Variants in SLC35F1 observed in about 807,000 individuals in gnomAD.
SLC35F1 encodes chromosome 6 open reading frame 169.
In SLC35F1, 14 loss-of-function variants were observed where a neutral mutation model predicts 48.7. That is an observed-to-expected ratio of 0.29 (90% confidence interval 0.19 to 0.45). The LOEUF (loss-of-function observed/expected upper bound fraction) is 0.45. Among genes scored for constraint, SLC35F1 ranks in the 20% least tolerant of loss-of-function variants. The probability of loss-of-function intolerance (pLI) is 1.00; values close to 1 mark genes in which losing one functional copy is unlikely to be tolerated. For synonymous variants in SLC35F1, 190 were observed against 202.2 expected (o/e 0.94, Z 0.51); for missense variants, 404 against 500.0 (o/e 0.81, Z 1.83).
intron 1 of SLC35F1, among the ~76,000 whole-genome samples, chr6:118,088,812 C>G (rs959493422): frequency 6.6e-6 from 1 of 152,078 alleles, no homozygotes; most frequent in Non-Finnish European, 1.5e-5. Flanking sequence ...CCAGAGGAAG[C>G]GGAGAAAAGG....
chr6:118,305,048 ATGTGTGTGTGTGTGTGTGTGTGTG>A lies in SLC35F1; in HGVS notation c.1003-8958_1003-8935del, dbSNP rs758520455. 2.2e-4 allele frequency among the ~76,000 whole-genome samples: 18 copies of A among 80,230 alleles called. 1 individual carries two copies. Among genetic ancestry groups the A allele is most frequent in the African/African-American group, 9.9e-4 (18 of 18,112 alleles). The allele number at this position is 80,230 out of a possible 152,430, so 52.6% of individuals were successfully genotyped here. On this transcript the variant is annotated intron_variant, in intron 7 of 7. Coordinates refer to ENST00000360388, the MANE Select transcript of SLC35F1 (RefSeq NM_001029858.4). ...TAGCAGAGAAACAGAATCAACAGGA[ATGTGTGTGTGTGTGTGTGTGTGTG>A]TGTGTGTGTGTGTGTGTGTGTTCAG...
At chr6:118,300,701 C>G (rs1422793593) in intron 7 of SLC35F1, among the ~76,000 whole-genome samples, 1 of 152,112 alleles carries the variant, frequency 6.6e-6, no homozygotes. Flanking sequence ...TTCATTGTTT[C>G]TGTTTTGACT....
chr6:118,061,586 G>GTATATATATATATATATATATA (rs780630752), intron 1 of SLC35F1, among the ~76,000 whole-genome samples: 4 of 145,410 alleles, frequency 2.8e-5, no homozygotes, highest in African/African-American at 1.0e-4. Flanking sequence ...GTGTGTGTGT[G>GTATATATATATATATATATATA]TGTGTATATA....
At chr6:118,054,581 T>C (rs774729951) in intron 1 of SLC35F1, among the ~76,000 whole-genome samples, 46 of 152,198 alleles carry the variant, frequency 3.0e-4, no homozygotes, top group Non-Finnish European at 6.2e-4. Context: ...AAAAAGGTGA[T>C]GTGGGTTTGT....
chr6:117,993,637 CAT>C (rs1420724946), intron 1 of SLC35F1, among the ~76,000 whole-genome samples: 1 of 152,016 alleles, frequency 6.6e-6, no homozygotes, highest in Admixed American at 6.6e-5. Context: ...TTCACCTGTT[CAT>C]AGTTATAGCA....
At chr6:118,066,846 C>A (rs1772623181) in intron 1 of SLC35F1, among the ~76,000 whole-genome samples, 1 of 149,880 alleles carries the variant, frequency 6.7e-6, no homozygotes, top group African/African-American at 2.5e-5. Context: ...AATTTGGTAG[C>A]ATGAAACCCA....
chr6:118,208,622 T>C (rs1025704552), intron 2 of SLC35F1, among the ~76,000 whole-genome samples: 1 of 152,204 alleles, frequency 6.6e-6, no homozygotes, highest in Non-Finnish European at 1.5e-5. Context: ...AAGTAATTCA[T>C]GCTTATTAAA....
chr6:117,929,559 G>A (rs988325230), intron 1 of SLC35F1, among the ~76,000 whole-genome samples: 2 of 151,124 alleles, frequency 1.3e-5, no homozygotes, highest in Non-Finnish European at 3.0e-5. Flanking sequence ...GTAGGGGATG[G>A]CAAGTCTCAA....
chr6:118,238,644 G>GT (rs1195864315), intron 3 of SLC35F1, among the ~76,000 whole-genome samples: 1 of 152,012 alleles, frequency 6.6e-6, no homozygotes, highest in Admixed American at 6.6e-5. Flanking sequence ...TCATGAGATG[G>GT]TTTTTAGCAC....
chr6:118,305,590 C>T lies in SLC35F1; in HGVS notation c.1003-8438C>T, dbSNP rs560564181. Among the ~76,000 whole-genome samples, 266 of 152,254 alleles carry T rather than the reference C, an allele frequency of 1.7e-3. 2 individuals carry two copies. The highest frequency in any genetic ancestry group is 6.0e-3 in the African/African-American group (249 of 41,548). The stretch of plus-strand genomic sequence containing the variant: ...ATCCTGCATACAATTAGAAAACACA[C>T]TAACCCTTGCCTTACAAGCAGATGC... On this transcript the variant is annotated intron_variant, in intron 7 of 7. Coordinates refer to ENST00000360388, the MANE Select transcript of SLC35F1 (RefSeq NM_001029858.4).
chr6:117,942,460 G>T (rs1171801947), intron 1 of SLC35F1, among the ~76,000 whole-genome samples: 2 of 152,166 alleles, frequency 1.3e-5, no homozygotes, highest in African/African-American at 4.8e-5. Context: ...GGTTAGTCTA[G>T]TCTTTTCTAG....
intron 1 of SLC35F1, among the ~76,000 whole-genome samples, chr6:117,927,772 T>G (rs551054440): frequency 9.8e-4 from 150 of 152,306 alleles, no homozygotes; most frequent in African/African-American, 3.4e-3. Context: ...TTTTGAGTTC[T>G]GGGATTAAAA....
intron 1 of SLC35F1, among the ~76,000 whole-genome samples, chr6:117,943,094 A>C (rs992739449): frequency 6.6e-6 from 1 of 152,138 alleles, no homozygotes; most frequent in African/African-American, 2.4e-5. Flanking sequence ...TTATCGATCC[A>C]TTTTGGATTG....
At chr6:117,967,301 T>C (rs1250307831) in intron 1 of SLC35F1, among the ~76,000 whole-genome samples, 4 of 152,158 alleles carry the variant, frequency 2.6e-5, no homozygotes, top group Non-Finnish European at 5.9e-5. Flanking sequence ...CAAAAATACA[T>C]TTTGAAACCA....
At chr6:118,254,435 C>T (rs1433531956) in intron 3 of SLC35F1, among the ~76,000 whole-genome samples, 1 of 152,138 alleles carries the variant, frequency 6.6e-6, no homozygotes, top group African/African-American at 2.4e-5. Flanking sequence ...GTGTGTGCCA[C>T]CACGCCTAGC....
chr6:118,008,343 A>C (rs1777202403), intron 1 of SLC35F1, among the ~76,000 whole-genome samples: 1 of 152,102 alleles, frequency 6.6e-6, no homozygotes, highest in African/African-American at 2.4e-5. Flanking sequence ...CAAGGGAAGA[A>C]GATTATGTAG....
rs374955983 is a variant in SLC35F1, at chr6:118,235,662, C to G, written c.477+26C>G. 1.0e-5 allele frequency: 16 copies of G among 1,606,268 alleles called. 1 individual carries two copies. The highest frequency in any genetic ancestry group is 1.3e-5 in the African/African-American group (1 of 74,594). ...GTACCCATGGTTCTTCTTCCCTTCT[C>G]AACTTCCTCTATCCAGATGTAGTTT... On this transcript the variant is annotated intron_variant, in intron 3 of 7. Coordinates refer to ENST00000360388, the MANE Select transcript of SLC35F1 (RefSeq NM_001029858.4).
chr6:117,970,668 A>G (rs1776626679), intron 1 of SLC35F1, among the ~76,000 whole-genome samples: 1 of 152,208 alleles, frequency 6.6e-6, no homozygotes, highest in South Asian at 2.1e-4. Flanking sequence ...AGGCCTCACA[A>G]TCATGGCAAA....
At chr6:118,298,914 C>T (rs1375160496) in intron 7 of SLC35F1, among the ~76,000 whole-genome samples, 1 of 152,158 alleles carries the variant, frequency 6.6e-6, no homozygotes, top group Non-Finnish European at 1.5e-5. Flanking sequence ...GTGGCTCATG[C>T]CTGTAATCCC....
Sources: allele counts gnomAD v4.1 joint callset (sites outside exome capture counted in the v4.1 genomes callset), GRCh38; gene constraint gnomAD v4.1.1; transcripts MANE v1.5; gene names NCBI Gene and HGNC (gene_info 2026-07-23, HGNC 2026-07-21).